The following DRICH1 variants were observed in gnomAD, a reference collection of about 807,000 sequenced individuals.
DRICH1 encodes the protein aspartate-rich protein 1.
A neutral mutation model predicts 39.5 loss-of-function variants in DRICH1; 38 were observed. The observed-to-expected ratio is 0.96, with a 90% CI of 0.74 to 1.26. The LOEUF is 1.26. Ranked by LOEUF, DRICH1 falls within the 50% of genes most tolerant of loss-of-function variation. The probability of loss-of-function intolerance (pLI) is 0.00; values close to 1 mark genes in which losing one functional copy is unlikely to be tolerated. For missense variants in DRICH1, 279 were observed against 270.4 expected (o/e 1.03, Z -0.22); for synonymous variants, 84 against 99.5 (o/e 0.84, Z 0.93).
chr22:23,612,530 AAAACCAAAGCC>A (rs1927101308), intron 11 of DRICH1, among the ~76,000 whole-genome samples: 1 of 152,052 alleles, frequency 6.6e-6, no homozygotes, highest in Non-Finnish European at 1.5e-5. Context: ...CTTAGAGAAC[AAAACCAAAGCC>A]AAATTTTTGA....
upstream of DRICH1, chr22:23,632,463 G>C: frequency 4.4e-6 from 1 of 229,838 alleles, no homozygotes; most frequent in South Asian, 6.6e-5. Flanking sequence ...GCCTGTCCCT[G>C]CTGCTGCCCA....
chr22:23,593,735 G>A, the DRICH1 span, among the ~76,000 whole-genome samples: 1 of 152,114 alleles, frequency 6.6e-6, no homozygotes, highest in Non-Finnish European at 1.5e-5. Flanking sequence ...GGCAGAGGTT[G>A]CAGTGAGCCA....
the DRICH1 span, among the ~76,000 whole-genome samples, chr22:23,600,676 CT>C: frequency 2.7e-3 from 296 of 109,528 alleles, 1 homozygote; most frequent in African/African-American, 4.0e-3. Context: ...AATTTTTTTT[CT>C]TTTTTTTTTT....
chr22:23,624,429 C>CTCAGCTTCTATTTACTTTTT, intron 3 of DRICH1: 2 of 786,692 alleles, frequency 2.5e-6, no homozygotes, highest in Non-Finnish European at 3.1e-6. Flanking sequence ...AAATAACAAA[C>CTCAGCTTCTATTTACTTTTT]TCAGCTTCTA....
At chr22:23,588,140 G>A in the DRICH1 span, among the ~76,000 whole-genome samples, 2 of 151,764 alleles carry the variant, frequency 1.3e-5, no homozygotes, top group East Asian at 3.9e-4. Flanking sequence ...TTTTTTCTTT[G>A]TTTTGAGACA....
the DRICH1 span, among the ~76,000 whole-genome samples, chr22:23,589,759 T>A: frequency 6.6e-6 from 1 of 152,150 alleles, no homozygotes; most frequent in African/African-American, 2.4e-5. Flanking sequence ...CACTGGGTAG[T>A]CTCTGTGCCC....
In DRICH1 at chr22:23,616,839, T is replaced by C. The variant is rs2123773212; in HGVS notation, c.541+14A>G. 1 of 1,613,988 alleles carries C rather than the reference T, an allele frequency of 6.2e-7. No individual in the cohort carries two copies. The highest frequency in any genetic ancestry group is 8.5e-7 in the Non-Finnish European group (1 of 1,179,834). On this transcript the variant is annotated intron_variant, in intron 8 of 11. Transcript: ENST00000317749. Reference sequence around the variant, plus strand: ...GTTTGTTTCTCAGAAAGTGAGTTAGTTCAAGGTACATACCCTGGACAGGTG... The same window carrying C: ...GTTTGTTTCTCAGAAAGTGAGTTAGCTCAAGGTACATACCCTGGACAGGTG...
the DRICH1 span, among the ~76,000 whole-genome samples, chr22:23,588,372 T>C: frequency 2.6e-5 from 4 of 152,222 alleles, no homozygotes; most frequent in African/African-American, 7.2e-5. Context: ...GTGATCCACC[T>C]GCCTCAGCTT....
the DRICH1 span, among the ~76,000 whole-genome samples, chr22:23,595,945 G>T: frequency 6.6e-6 from 1 of 152,178 alleles, no homozygotes; most frequent in Non-Finnish European, 1.5e-5. Context: ...CCAGGGGACT[G>T]GAAAACACAT....
At chr22:23,592,489 A>C in the DRICH1 span, among the ~76,000 whole-genome samples, 1 of 152,134 alleles carries the variant, frequency 6.6e-6, no homozygotes, top group Non-Finnish European at 1.5e-5. Context: ...GAGAGAGCTG[A>C]TAAGCACCAT....
downstream of DRICH1, among the ~76,000 whole-genome samples, chr22:23,604,240 T>C (rs1462364421): frequency 1.3e-5 from 2 of 151,996 alleles, no homozygotes; most frequent in Non-Finnish European, 1.5e-5. Context: ...TAGCCTGCTC[T>C]CAGACCACCT....
chr22:23,618,365 C>G (rs571545467), intron 6 of DRICH1, among the ~76,000 whole-genome samples: 2 of 152,022 alleles, frequency 1.3e-5, no homozygotes, highest in Admixed American at 6.6e-5. Context: ...CCACCCACCT[C>G]GGCCTCCCAA....
At chr22:23,589,727 G>C in the DRICH1 span, among the ~76,000 whole-genome samples, 2 of 152,086 alleles carry the variant, frequency 1.3e-5, no homozygotes, top group Non-Finnish European at 1.5e-5. Flanking sequence ...GGCCGCAGCT[G>C]GTGCTGACTG....
At chr22:23,582,082 C>T in the DRICH1 span, among the ~76,000 whole-genome samples, 63 of 151,240 alleles carry the variant, frequency 4.2e-4, no homozygotes, top group African/African-American at 1.3e-3. Flanking sequence ...CGGGTTCAAG[C>T]GATTCTCCTG....
chr22:23,582,851 GTGCCCGGCCA>G, the DRICH1 span, among the ~76,000 whole-genome samples: 2 of 138,134 alleles, frequency 1.4e-5, no homozygotes, highest in African/African-American at 2.8e-5. Context: ...GTGAGCCATC[GTGCCCGGCCA>G]ATTATCATAT....
At chr22:23,619,338 A>G (rs367783888) in intron 6 of DRICH1, 26 bp downstream of exon 6, 3 of 780,550 alleles carry the variant, frequency 3.8e-6, no homozygotes, top group South Asian at 1.3e-5. Flanking sequence ...AACACACAAT[A>G]CTACACACAT....
At chr22:23,625,067 A>T (rs950483027) in intron 2 of DRICH1, among the ~76,000 whole-genome samples, 163 bp from the exon 3 acceptor site, 2 of 152,264 alleles carry the variant, frequency 1.3e-5, no homozygotes, top group Non-Finnish European at 2.9e-5. Flanking sequence ...ATGAGTGAAA[A>T]GACAAGAGCT....
chr22:23,604,833 C>T (rs540750320), downstream of DRICH1, among the ~76,000 whole-genome samples: 1 of 152,346 alleles, frequency 6.6e-6, no homozygotes, highest in South Asian at 2.1e-4. Flanking sequence ...TTATGACTTT[C>T]TCAATCACTA....
intron 8 of DRICH1, among the ~76,000 whole-genome samples, chr22:23,616,252 G>C (rs1927340365): frequency 6.6e-6 from 1 of 152,194 alleles, no homozygotes; most frequent in Admixed American, 6.5e-5. Flanking sequence ...CAAAGGCTTT[G>C]AGATTTTGCA....
Sources: gnomAD v4.1 joint callset for allele counts (sites outside exome capture counted in the v4.1 genomes callset) on GRCh38, gnomAD v4.1.1 for gene constraint, MANE v1.5 for transcripts, NCBI Gene and HGNC (gene_info 2026-07-23, HGNC 2026-07-21) for gene names.